The following KLF12 variants were observed in gnomAD, a reference collection of about 807,000 sequenced individuals.
The protein encoded by KLF12 is KLF transcription factor 12.
A neutral mutation model predicts 37.8 loss-of-function variants in KLF12; 9 were observed. The ratio of observed to expected loss-of-function variants is 0.24; its 90% CI spans 0.14 to 0.42. The LOEUF (loss-of-function observed/expected upper bound fraction) is 0.42. Among genes scored for constraint, KLF12 ranks in the 10% least tolerant of loss-of-function variants. The pLI is 1.00. For synonymous variants in KLF12, 208 were observed against 202.1 expected, an observed-to-expected ratio of 1.03 and a Z score of -0.25; for missense variants, 411 against 516.0, an observed-to-expected ratio of 0.80 and a Z score of 1.97.
At chr13:73,741,594 G>A (rs1877986341) in intron 6 of KLF12, among the ~76,000 whole-genome samples, 1 of 152,142 alleles carries the variant, frequency 6.6e-6, no homozygotes, top group African/African-American at 2.4e-5. Context: ...AACCTTCAGA[G>A]CTTCAGGGTC....
rs994473780 is a variant in KLF12, at chr13:74,097,749, C to T, written c.-32+35990G>A. 4.7e-5 allele frequency among the ~76,000 whole-genome samples: 7 copies of T among 150,448 alleles called. No homozygotes were observed. The East Asian group carries it at 1.2e-3, about 25-fold the overall frequency. On this transcript the variant is annotated intron_variant, in intron 1 of 7. Coordinates refer to ENST00000377669, the MANE Select transcript of KLF12 (RefSeq NM_007249.5). ...GTGTGTGTGTGTGTATGTTCATGTG[C>T]TTTTATTAGTTAAATGTCTGCAACG...
chr13:73,903,380 C>T (rs573973927), intron 3 of KLF12, among the ~76,000 whole-genome samples: 7 of 151,374 alleles, frequency 4.6e-5, no homozygotes, highest in African/African-American at 1.7e-4. Context: ...TAAAACAGTA[C>T]AAGGGAAATA....
intron 6 of KLF12, among the ~76,000 whole-genome samples, chr13:73,739,237 TTAA>T (rs138002893): frequency 0.019 from 2,708 of 143,580 alleles, 68 homozygotes; most frequent in East Asian, 0.072. Flanking sequence ...CTGTCTCAAA[TTAA>T]TAATAATAAT....
intron 1 of KLF12, among the ~76,000 whole-genome samples, chr13:74,104,555 T>C (rs143560376): frequency 5.3e-5 from 8 of 152,358 alleles, no homozygotes; most frequent in Admixed American, 3.3e-4. Context: ...GCTTTCTTAT[T>C]TTCTGTTAAT....
At chr13:73,877,661 C>G (rs994205319) in intron 3 of KLF12, among the ~76,000 whole-genome samples, 1 of 152,150 alleles carries the variant, frequency 6.6e-6, no homozygotes, top group Non-Finnish European at 1.5e-5. Context: ...TTGCTAGTAC[C>G]TACTCCTCCA....
At chr13:73,853,225 C>T (rs966159511) in intron 3 of KLF12, among the ~76,000 whole-genome samples, 4 of 152,138 alleles carry the variant, frequency 2.6e-5, no homozygotes, top group Non-Finnish European at 5.9e-5. Flanking sequence ...TCAATACACA[C>T]ATTTAAATTT....
chr13:73,803,217 G>C (rs1249562111), intron 5 of KLF12, among the ~76,000 whole-genome samples: 1 of 152,156 alleles, frequency 6.6e-6, no homozygotes. Flanking sequence ...TATTCAGTTG[G>C]CCTCTATGAA....
rs767926599 is a variant in KLF12, at chr13:73,715,544, G to C, written c.870-19C>G. Reference sequence around the variant, plus strand: ...AATTGAACTGGAAAAAGAAAAAGTGGAGTTACACGGTGAGATGCACACCGC... The same window carrying C: ...AATTGAACTGGAAAAAGAAAAAGTGCAGTTACACGGTGAGATGCACACCGC... On this transcript the variant is annotated intron_variant, in intron 6 of 7. Transcript: ENST00000377669. 6.2e-7 allele frequency: 1 copy of C among 1,611,746 alleles called. No individual in the cohort carries two copies. The highest frequency in any genetic ancestry group is 1.7e-5 in the Admixed American group (1 of 59,834).
In KLF12 at chr13:73,824,807, C is replaced by A. The variant is rs1001999397; in HGVS notation, c.671-11520G>T. ...TTCAGGCTGGGCGCGGTGGCTCACA[C>A]CTGTAATCCCAGCACTTTGAGAGGC... On this transcript the variant is annotated intron_variant, in intron 4 of 7. Coordinates refer to ENST00000377669, the MANE Select transcript of KLF12 (RefSeq NM_007249.5). Among the ~76,000 whole-genome samples, 4 of 152,104 alleles carry A rather than the reference C, an allele frequency of 2.6e-5. No homozygotes were observed. The South Asian group carries it at 8.3e-4, about 32-fold the overall frequency.
At chr13:74,211,821 A>G in the KLF12 span, among the ~76,000 whole-genome samples, 1 of 152,206 alleles carries the variant, frequency 6.6e-6, no homozygotes, top group Non-Finnish European at 1.5e-5. Context: ...AAGTTGGTTT[A>G]TTAACCCAAT....
chr13:73,687,026 C>A lies in KLF12; in HGVS notation c.*8464G>T, dbSNP rs777468560. On this transcript the variant is annotated 3_prime_UTR_variant, in exon 8 of 8. Coordinates refer to ENST00000377669, the MANE Select transcript of KLF12 (RefSeq NM_007249.5). Reference sequence around the variant, plus strand: ...CCACACACCAAGAACAACGTCTAGACTACTACTAATTATAACTAAGTCATT... The same window carrying A: ...CCACACACCAAGAACAACGTCTAGAATACTACTAATTATAACTAAGTCATT... 1 of 152,458 alleles carries A rather than the reference C, an allele frequency of 6.6e-6. No homozygotes were observed. Among genetic ancestry groups the A allele is most frequent in the Non-Finnish European group, 1.5e-5 (1 of 67,998 alleles). 9.4% of individuals were successfully genotyped at this position (152,458 alleles called of 1,614,324 possible).
chr13:74,083,244 G>A (rs532499126), intron 1 of KLF12, among the ~76,000 whole-genome samples: 4 of 152,244 alleles, frequency 2.6e-5, no homozygotes, highest in African/African-American at 7.2e-5. Context: ...CGGGCGCAGT[G>A]GCTCACGCCT....
rs560002384 is a variant in KLF12 at position 74,103,566 on chromosome 13, GC to G, written c.-32+30172del. Among the ~76,000 whole-genome samples the G allele has an allele frequency of 1.4e-4, 22 of 152,220 alleles. No homozygotes were observed. In the South Asian group the frequency reaches 4.3e-3, roughly 30 times the overall value. On this transcript the variant is annotated intron_variant, in intron 1 of 7. Transcript: ENST00000377669. ...CACACCCCCCAGCGAATTCTGAAGC[GC>G]AAACTCCATATCTTCGGTTGGAGCT...
chr13:73,975,222 C>T (rs1476147492), intron 2 of KLF12, among the ~76,000 whole-genome samples: 3 of 152,140 alleles, frequency 2.0e-5, no homozygotes, highest in African/African-American at 7.2e-5. Flanking sequence ...CGAGAACACT[C>T]GTTCTACTGT....
At position 74,028,733 on chromosome 13, in the gene KLF12, G is replaced by T. The variant is rs548423330; in HGVS notation, c.-31-33680C>A. On this transcript the variant is annotated intron_variant, in intron 1 of 7. Coordinates refer to ENST00000377669, the MANE Select transcript of KLF12 (RefSeq NM_007249.5). ...GTTTACATTAGTAAGATTTTATAAT[G>T]CATCTAGGTGCAGCAGAGAGTTACA... Among the ~76,000 whole-genome samples the T allele has an allele frequency of 2.0e-5, 3 of 152,074 alleles. No individual in the cohort carries two copies. In the East Asian group the frequency reaches 5.8e-4, roughly 29 times the overall value.
intron 1 of KLF12, among the ~76,000 whole-genome samples, chr13:74,085,474 T>C (rs953907150): frequency 6.6e-6 from 1 of 152,216 alleles, no homozygotes; most frequent in Admixed American, 6.5e-5. Flanking sequence ...ACTACACTAA[T>C]GAGCTTACAC....
chr13:73,798,286 C>T (rs1476402225), intron 5 of KLF12, among the ~76,000 whole-genome samples: 2 of 152,106 alleles, frequency 1.3e-5, no homozygotes, highest in African/African-American at 2.4e-5. Context: ...GGATTAAAGA[C>T]TTAAATGTAA....
At chr13:74,064,418 A>G (rs934483650) in intron 1 of KLF12, among the ~76,000 whole-genome samples, 5 of 152,222 alleles carry the variant, frequency 3.3e-5, no homozygotes, top group South Asian at 2.1e-4. Context: ...TAAGTATTAT[A>G]AAGTCACATA....
At chr13:73,724,774 C>T (rs901311083) in intron 6 of KLF12, among the ~76,000 whole-genome samples, 3 of 152,096 alleles carry the variant, frequency 2.0e-5, no homozygotes, top group African/African-American at 7.2e-5. Flanking sequence ...AATTACTGCT[C>T]GAAGCTCACA....
Sources: allele counts gnomAD v4.1 joint callset (sites outside exome capture counted in the v4.1 genomes callset), GRCh38; gene constraint gnomAD v4.1.1; transcripts MANE v1.5; gene names NCBI Gene and HGNC (gene_info 2026-07-23, HGNC 2026-07-21).